DCC: variants seen among roughly 807,000 people sequenced by gnomAD.
DCC encodes the protein netrin receptor DCC.
DCC carries 58 observed loss-of-function variants against 172.5 expected under a neutral mutation model. The ratio of observed to expected loss-of-function variants is 0.34; its 90% confidence interval spans 0.27 to 0.42. The LOEUF (loss-of-function observed/expected upper bound fraction) is 0.42. DCC is among the 10% of genes least tolerant of loss of function. The pLI, the probability that DCC is intolerant of heterozygous loss-of-function variation, is 1.00. For missense variants in DCC, 1,740 were observed against 1,791.0 expected (o/e 0.97, Z 0.51); for synonymous variants, 709 against 644.5 (o/e 1.10, Z -1.52).
chr18:52,464,367 C>T (rs891163146), intron 1 of DCC, among the ~76,000 whole-genome samples: 1 of 152,122 alleles, frequency 6.6e-6, no homozygotes, highest in Admixed American at 6.5e-5. Context: ...TAGTTCCCTG[C>T]ATCCTTAAGA....
At chr18:53,482,057 T>G (rs1033748211) in intron 25 of DCC, among the ~76,000 whole-genome samples, 4 of 152,126 alleles carry the variant, frequency 2.6e-5, no homozygotes, top group Non-Finnish European at 5.9e-5. Context: ...TTTGTGTGTT[T>G]GTGTGTATGT....
chr18:52,685,477 G>A (rs774167256), intron 1 of DCC, among the ~76,000 whole-genome samples: 1 of 152,112 alleles, frequency 6.6e-6, no homozygotes, highest in Non-Finnish European at 1.5e-5. Flanking sequence ...TGACAATGTT[G>A]GAAGGTGGGG....
intron 21 of DCC, among the ~76,000 whole-genome samples, chr18:53,430,399 T>C (rs1159619104): frequency 6.6e-6 from 1 of 152,114 alleles, no homozygotes. Flanking sequence ...CCACATCCAC[T>C]TTTCTCCATG....
chr18:52,805,582 T>C (rs995075636), intron 2 of DCC, among the ~76,000 whole-genome samples: 1 of 152,206 alleles, frequency 6.6e-6, no homozygotes, highest in Non-Finnish European at 1.5e-5. Context: ...TAGAAAGATA[T>C]TTTAAAAATG....
chr18:53,250,209 T>C (rs1162136699), intron 12 of DCC, among the ~76,000 whole-genome samples: 1 of 152,012 alleles, frequency 6.6e-6, no homozygotes, highest in Non-Finnish European at 1.5e-5. Flanking sequence ...CTTCTATTAC[T>C]ATAATTTCTT....
intron 7 of DCC, among the ~76,000 whole-genome samples, chr18:53,089,182 C>T (rs2042965408): frequency 6.6e-6 from 1 of 152,056 alleles, no homozygotes; most frequent in Non-Finnish European, 1.5e-5. Context: ...GCCTCCTGAG[C>T]TCAAGTGATT....
intron 1 of DCC, among the ~76,000 whole-genome samples, chr18:52,746,648 G>A (rs893431578): frequency 6.6e-6 from 1 of 152,102 alleles, no homozygotes; most frequent in Non-Finnish European, 1.5e-5. Flanking sequence ...CAAGCTTAGA[G>A]AAATATTTGT....
At chr18:52,436,636 G>A (rs1987803688) in intron 1 of DCC, among the ~76,000 whole-genome samples, 1 of 152,200 alleles carries the variant, frequency 6.6e-6, no homozygotes, top group Non-Finnish European at 1.5e-5. Flanking sequence ...GGCTGGGCAT[G>A]GTGGCTCACA....
At chr18:53,346,114 C>G (rs2057721316) in intron 15 of DCC, among the ~76,000 whole-genome samples, 1 of 152,124 alleles carries the variant, frequency 6.6e-6, no homozygotes, top group South Asian at 2.1e-4. Context: ...CTGCCTCAGC[C>G]TCCTAAGTAG....
chr18:53,228,917 T>G (rs2056080989), intron 12 of DCC, among the ~76,000 whole-genome samples: 1 of 152,212 alleles, frequency 6.6e-6, no homozygotes, highest in South Asian at 2.1e-4. Flanking sequence ...TAATTTATGT[T>G]CAATTGTTTT....
intron 27 of DCC, among the ~76,000 whole-genome samples, chr18:53,506,977 T>TTCTCA (rs2046187580): frequency 6.6e-6 from 1 of 152,218 alleles, no homozygotes. Context: ...AATCTCACTT[T>TTCTCA]TCTCATCTGT....
At chr18:52,457,703 T>A (rs1988501292) in intron 1 of DCC, among the ~76,000 whole-genome samples, 1 of 152,124 alleles carries the variant, frequency 6.6e-6, no homozygotes, top group South Asian at 2.1e-4. Flanking sequence ...TAAATGTGGA[T>A]TTCAATAAAT....
In DCC at chr18:52,973,347, A is replaced by T. The variant is rs144762794; in HGVS notation, c.985+47977A>T. Among the ~76,000 whole-genome samples, 89 of 152,266 alleles carry T rather than the reference A, an allele frequency of 5.8e-4. 2 individuals carry two copies. The East Asian group carries it at 0.016, about 27-fold the overall frequency. Reference sequence around the variant, plus strand: ...TGTGAATTTTTAAATCACTTAATAAACTGTAAAAGTTTATTAAGTTGTACT... The same window carrying T: ...TGTGAATTTTTAAATCACTTAATAATCTGTAAAAGTTTATTAAGTTGTACT... On this transcript the variant is annotated intron_variant, in intron 5 of 28. Coordinates refer to ENST00000442544, the MANE Select transcript of DCC (RefSeq NM_005215.4).
At chr18:52,636,069 C>A (rs2018291) in intron 1 of DCC, among the ~76,000 whole-genome samples, 28 of 152,052 alleles carry the variant, frequency 1.8e-4, no homozygotes, top group African/African-American at 5.8e-4. Context: ...CCTGAACACA[C>A]CCCCCTAACT....
At chr18:53,338,542 A>T (rs753230722) in intron 14 of DCC, among the ~76,000 whole-genome samples, 1 of 152,214 alleles carries the variant, frequency 6.6e-6, no homozygotes, top group Non-Finnish European at 1.5e-5. Flanking sequence ...CGGAGGTTGC[A>T]GTGAGCCGAG....
At chr18:53,514,135 G>C (rs1415699667) in intron 27 of DCC, among the ~76,000 whole-genome samples, 1 of 152,114 alleles carries the variant, frequency 6.6e-6, no homozygotes, top group Non-Finnish European at 1.5e-5. Flanking sequence ...CTAGAACTCA[G>C]GATTAAGAAT....
At chr18:52,769,972 C>G (rs2037314019) in intron 2 of DCC, among the ~76,000 whole-genome samples, 1 of 152,082 alleles carries the variant, frequency 6.6e-6, no homozygotes, top group Non-Finnish European at 1.5e-5. Context: ...GCCATCATCT[C>G]TTGCCTGCTT....
chr18:52,440,579 C>T (rs1191061854), intron 1 of DCC, among the ~76,000 whole-genome samples: 3 of 152,138 alleles, frequency 2.0e-5, no homozygotes, highest in Non-Finnish European at 1.5e-5. Context: ...ACAGTAAATG[C>T]CTCACACAAT....
At chr18:52,817,680 T>C (rs12605459) in intron 2 of DCC, among the ~76,000 whole-genome samples, 48,087 of 151,720 alleles carry the variant, frequency 0.32, 7,894 homozygotes, top group African/African-American at 0.4. Context: ...CTAATGTGTA[T>C]GTACACGCAT....
Sources: gnomAD v4.1 joint callset for allele counts (sites outside exome capture counted in the v4.1 genomes callset) on GRCh38, gnomAD v4.1.1 for gene constraint, MANE v1.5 for transcripts, NCBI Gene and HGNC (gene_info 2026-07-23, HGNC 2026-07-21) for gene names.